Variants in DEUP1 observed in about 807,000 individuals in gnomAD.
DEUP1 encodes deuterosome assembly protein 1.
In DEUP1, 82 loss-of-function variants were observed where a neutral mutation model predicts 87.4. The ratio of observed to expected loss-of-function variants is 0.94; its 90% CI spans 0.78 to 1.13. The LOEUF is 1.13. Ranked by LOEUF, DEUP1 falls within the 50% of genes most tolerant of loss-of-function variation. The pLI, the probability that DEUP1 is intolerant of heterozygous loss-of-function variation, is 0.00. For synonymous variants in DEUP1, 214 were observed against 222.7 expected (o/e 0.96, Z 0.35); for missense variants, 663 against 681.5 (o/e 0.97, Z 0.30).
chr11:93,437,584 G>A lies in DEUP1; in HGVS notation c.1680G>A (p.Gln560=). The part of the protein sequence containing the change: ...DMSFPASLAA[Q]HFLLEEEKRA... ...CCTTCCCAGCATCTTTGGCTGCACA[G>A]CATTTCCTTCTGGAAGAAGAGAAAC... The change falls in exon 14 of 14, where the codon CAG becomes CAA. Residue 560 remains glutamine (Q), a synonymous_variant. Transcript: ENST00000298050. 6.2e-7 allele frequency: 1 copy of A among 1,613,562 alleles called. No homozygotes were observed. Among genetic ancestry groups the A allele is most frequent in the Non-Finnish European group, 8.5e-7 (1 of 1,179,682 alleles).
intron 11 of DEUP1, among the ~76,000 whole-genome samples, chr11:93,401,928 C>T (rs985013928): frequency 2.6e-5 from 4 of 151,836 alleles, no homozygotes; most frequent in Admixed American, 2.6e-4. Flanking sequence ...GGGAAATACT[C>T]CATGACTTTA....
rs142296106 is a variant in DEUP1, at chr11:93,350,721, G to A, written c.30-4650G>A. 2.3e-3 allele frequency among the ~76,000 whole-genome samples: 347 copies of A among 151,970 alleles called. 2 individuals carry two copies. The highest frequency in any genetic ancestry group is 7.9e-3 in the African/African-American group (328 of 41,430). Reference sequence around the variant, plus strand: ...CCCCAGCACTTTGGGAGGCCGAAGCGGGAGGATCACCTGAGGTCAGAAGTT... The same window carrying A: ...CCCCAGCACTTTGGGAGGCCGAAGCAGGAGGATCACCTGAGGTCAGAAGTT... On this transcript the variant is annotated intron_variant, in intron 2 of 13. Coordinates refer to ENST00000298050, the MANE Select transcript of DEUP1 (RefSeq NM_181645.4).
Position 93,385,436 on chromosome 11 carries a change from A to T in DEUP1, c.828A>T (p.Leu276Phe). 6.2e-7 allele frequency: 1 copy of T among 1,612,770 alleles called. No individual in the cohort carries two copies. The highest frequency in any genetic ancestry group is 8.5e-7 in the Non-Finnish European group (1 of 1,179,334). ...GTCTCTCAGAGGTAAAAAGTGAGTT[A>T]CAGTCACGTGATGATCTCTTGAGAA... ...EAGLSEVKSE[L>F]QSRDDLLRII... The change falls in exon 8 of 14, where the codon TTA (leucine) becomes TTT (phenylalanine). Residue 276 changes from leucine to phenylalanine, a missense_variant. Leu to Phe is a conservative substitution (Grantham distance 22). Coordinates refer to ENST00000298050, the MANE Select transcript of DEUP1 (RefSeq NM_181645.4).
chr11:93,352,615 C>T (rs1215962609), intron 2 of DEUP1: 2 of 578,598 alleles, frequency 3.5e-6, no homozygotes. Context: ...TAAAGATGTA[C>T]CTGAGACTGG....
At chr11:93,401,015 T>C (rs1042643723) in intron 11 of DEUP1, among the ~76,000 whole-genome samples, 3 of 152,124 alleles carry the variant, frequency 2.0e-5, no homozygotes, top group Admixed American at 6.6e-5. Flanking sequence ...TGAGCCCTGT[T>C]CACAGACGAT....
chr11:93,358,212 G>T (rs1274679487), intron 4 of DEUP1, among the ~76,000 whole-genome samples: 1 of 151,824 alleles, frequency 6.6e-6, no homozygotes, highest in Non-Finnish European at 1.5e-5. Flanking sequence ...TTTCTGTTTG[G>T]GTATGTTTTC....
chr11:93,334,707 T>C (rs940694714), intron 2 of DEUP1, among the ~76,000 whole-genome samples: 5 of 152,224 alleles, frequency 3.3e-5, no homozygotes, highest in Non-Finnish European at 7.3e-5. Context: ...ATCATGGTTA[T>C]AACCGGGTTT....
At position 93,437,759 on chromosome 11, in the gene DEUP1, G is replaced by C. The variant is rs2605584; in HGVS notation, c.*40G>C. The C allele has an allele frequency of 5.8e-4, 567 of 984,522 alleles. No individual in the cohort carries two copies. The highest frequency in any genetic ancestry group is 2.2e-3 in the African/African-American group (115 of 51,692). The allele number at this position is 984,522 out of a possible 1,614,324, so 61.0% of individuals were successfully genotyped here. ...TTATTTGCTTCCCCCCCCCACCCCCGCCAAGAAAAAAAGCTCTGGCAAAAT... is the reference window on the plus strand; with the variant it reads ...TTATTTGCTTCCCCCCCCCACCCCCCCCAAGAAAAAAAGCTCTGGCAAAAT... On this transcript the variant is annotated 3_prime_UTR_variant, in exon 14 of 14. Coordinates refer to ENST00000298050, the MANE Select transcript of DEUP1 (RefSeq NM_181645.4).
chr11:93,372,672 A>T (rs1336874515), intron 7 of DEUP1, among the ~76,000 whole-genome samples: 3 of 152,222 alleles, frequency 2.0e-5, no homozygotes, highest in African/African-American at 7.2e-5. Flanking sequence ...ATTGTAAGAC[A>T]TACATATTCC....
chr11:93,428,353 C>G (rs936278838), intron 13 of DEUP1, among the ~76,000 whole-genome samples: 1 of 151,792 alleles, frequency 6.6e-6, no homozygotes, highest in Non-Finnish European at 1.5e-5. Context: ...GAACAAAAAA[C>G]CAAACACCAC....
At chr11:93,380,385 T>G (rs553720039) in intron 7 of DEUP1, among the ~76,000 whole-genome samples, 8 of 151,428 alleles carry the variant, frequency 5.3e-5, no homozygotes, top group East Asian at 1.9e-4. Flanking sequence ...TCTGTTTTTT[T>G]GGGTTTTGTT....
At chr11:93,416,837 G>A (rs74881604) in intron 13 of DEUP1, among the ~76,000 whole-genome samples, 59 of 151,742 alleles carry the variant, frequency 3.9e-4, no homozygotes, top group Middle Eastern at 6.8e-3. Flanking sequence ...CACCATGATC[G>A]AGTGGGCTTC....
chr11:93,434,098 G>A (rs993165905), intron 13 of DEUP1, among the ~76,000 whole-genome samples: 1 of 152,156 alleles, frequency 6.6e-6, no homozygotes, highest in Non-Finnish European at 1.5e-5. Flanking sequence ...ATCCGGGTAG[G>A]GGACCAACCA....
At chr11:93,423,898 A>G (rs1213012441) in intron 13 of DEUP1, among the ~76,000 whole-genome samples, 2 of 10,070 alleles carry the variant, frequency 2.0e-4, no homozygotes, top group African/African-American at 4.9e-4. Context: ...GGAAAGATCC[A>G]AAATTGACAC....
At chr11:93,393,087 C>CTTTTTT in intron 9 of DEUP1, among the ~76,000 whole-genome samples, 1 of 94,554 alleles carries the variant, frequency 1.1e-5, no homozygotes, top group Non-Finnish European at 1.9e-5. Context: ...CTTCCTCCTT[C>CTTTTTT]TTTTTTTTTT....
chr11:93,383,609 T>A (rs1946403150), intron 7 of DEUP1: 1 of 672,408 alleles, frequency 1.5e-6, no homozygotes, highest in East Asian at 2.7e-5. Flanking sequence ...GGCGAATTTA[T>A]GGTATGTGGA....
rs1013655466 is a variant in DEUP1, at chr11:93,371,299, T to A, written c.789+19T>A. ...GTGCCAGGTGAAGATTAATTTTTTT[T>A]CAACTAATATTGTCCATGACTTGTA... On this transcript the variant is annotated intron_variant, in intron 7 of 13. Coordinates refer to ENST00000298050, the MANE Select transcript of DEUP1 (RefSeq NM_181645.4). The A allele has an allele frequency of 1.2e-6, 2 of 1,603,530 alleles. No individual in the cohort carries two copies. Among genetic ancestry groups the A allele is most frequent in the Admixed American group, 3.4e-5 (2 of 58,492 alleles).
chr11:93,420,543 G>A (rs1409023542), intron 13 of DEUP1, among the ~76,000 whole-genome samples: 4 of 147,154 alleles, frequency 2.7e-5, no homozygotes, highest in Non-Finnish European at 3.0e-5. Context: ...ATTCAACATA[G>A]TGTTGGAAGT....
chr11:93,353,845 G>A (rs1353753714), intron 2 of DEUP1, among the ~76,000 whole-genome samples: 1 of 152,214 alleles, frequency 6.6e-6, no homozygotes, highest in African/African-American at 2.4e-5. Flanking sequence ...CCTGGCCCAT[G>A]AAACCACTTT....
Sources: gnomAD v4.1 joint callset for allele counts (sites outside exome capture counted in the v4.1 genomes callset) on GRCh38, gnomAD v4.1.1 for gene constraint, MANE v1.5 for transcripts, NCBI Gene and HGNC (gene_info 2026-07-23, HGNC 2026-07-21) for gene names.